The following PTTG1IP2 variants were observed in gnomAD, a reference collection of about 807,000 sequenced individuals.
PTTG1IP2 encodes the protein PTTG1IP family member 2.
chr7:90,490,390 AAT>A (rs1435770803), intron 4 of PTTG1IP2, among the ~76,000 whole-genome samples: 1 of 151,932 alleles, frequency 6.6e-6, no homozygotes, highest in East Asian at 1.9e-4. Flanking sequence ...CTGTAAGTAA[AAT>A]ATGCTTATAA....
At position 90,504,723 on chromosome 7, in the gene PTTG1IP2, G is replaced by T. The variant is rs551744540; in HGVS notation, c.*51-8555G>T. 2.6e-5 allele frequency among the ~76,000 whole-genome samples: 4 copies of T among 152,214 alleles called. No individual in the cohort carries two copies. The East Asian group carries it at 7.7e-4, about 29-fold the overall frequency. On this transcript the variant is annotated intron_variant, in intron 6 of 6. Coordinates refer to ENST00000509356, the MANE Select transcript of PTTG1IP2 (RefSeq NM_001365443.2). The stretch of plus-strand genomic sequence containing the variant: ...ACTGACTTGCAACAGATTTTTAAAA[G>T]ATATCAAATAAAACAGCTGAAAGAA...
intron 1 of PTTG1IP2, among the ~76,000 whole-genome samples, chr7:90,472,218 A>G (rs1305062477): frequency 1.3e-5 from 2 of 152,054 alleles, no homozygotes; most frequent in Non-Finnish European, 1.5e-5. Context: ...AAAACAATAG[A>G]GCAACTATGT....
intron 5 of PTTG1IP2, among the ~76,000 whole-genome samples, chr7:90,493,347 T>G (rs1381321978): frequency 2.0e-5 from 3 of 152,172 alleles, no homozygotes. Flanking sequence ...TAGAAATTGT[T>G]TGGGTGATAA....
chr7:90,499,578 T>C lies in PTTG1IP2; in HGVS notation c.*50+5148T>C, dbSNP rs1213299364. On this transcript the variant is annotated intron_variant, in intron 6 of 6. Coordinates refer to ENST00000509356, the MANE Select transcript of PTTG1IP2 (RefSeq NM_001365443.2). ...GCTTTTTGATCAGTGTTCTTTATTT[T>C]TTTATTATTATTTTTATTTTTTTGA... 2.0e-5 allele frequency among the ~76,000 whole-genome samples: 3 copies of C among 152,114 alleles called. No individual in the cohort carries two copies. The East Asian group carries it at 5.8e-4, about 29-fold the overall frequency.
At chr7:90,474,952 T>C (rs1283867899) in intron 1 of PTTG1IP2, among the ~76,000 whole-genome samples, 1 of 152,196 alleles carries the variant, frequency 6.6e-6, no homozygotes, top group Non-Finnish European at 1.5e-5. Flanking sequence ...GGCAAGTAGA[T>C]TGGCTTGCCA....
At chr7:90,507,908 G>T (rs1006568840) in intron 6 of PTTG1IP2, among the ~76,000 whole-genome samples, 5 of 152,014 alleles carry the variant, frequency 3.3e-5, no homozygotes, top group African/African-American at 1.2e-4. Flanking sequence ...GTACCATAAG[G>T]CACTTGAGAT....
chr7:90,475,078 GC>G (rs1275116525), intron 1 of PTTG1IP2, among the ~76,000 whole-genome samples: 13 of 152,138 alleles, frequency 8.5e-5, no homozygotes. Flanking sequence ...CAAATCTCCT[GC>G]CCCCAAGTCC....
intron 6 of PTTG1IP2, among the ~76,000 whole-genome samples, chr7:90,505,858 C>T (rs2116122660): frequency 6.6e-6 from 1 of 151,996 alleles, no homozygotes; most frequent in South Asian, 2.1e-4. Flanking sequence ...GTGGCGGGCG[C>T]CTGTAGTCCC....
chr7:90,505,990 C>CAAAAAA (rs59521168), intron 6 of PTTG1IP2, among the ~76,000 whole-genome samples: 31 of 77,362 alleles, frequency 4.0e-4, no homozygotes, highest in African/African-American at 8.2e-4. Flanking sequence ...GACTCCGTCT[C>CAAAAAA]AAAAAAAAAA....
rs144536856 is a variant in PTTG1IP2, at chr7:90,485,827, C to G, written c.193-1500C>G. Reference sequence around the variant, plus strand: ...GCTGCAAGTTCAGGTTTTTTTCTGGCAATTCATTTCCCTTAAAACCCTGCT... The same window carrying G: ...GCTGCAAGTTCAGGTTTTTTTCTGGGAATTCATTTCCCTTAAAACCCTGCT... On this transcript the variant is annotated intron_variant, in intron 2 of 6. Coordinates refer to ENST00000509356, the MANE Select transcript of PTTG1IP2 (RefSeq NM_001365443.2). Among the ~76,000 whole-genome samples the G allele has an allele frequency of 7.2e-5, 11 of 152,224 alleles. 1 individual carries two copies. The East Asian group carries it at 2.1e-3, about 29-fold the overall frequency.
In PTTG1IP2 at chr7:90,497,987, A is replaced by G. The variant is rs563664547; in HGVS notation, c.*50+3557A>G. On this transcript the variant is annotated intron_variant, in intron 6 of 6. Coordinates refer to ENST00000509356, the MANE Select transcript of PTTG1IP2 (RefSeq NM_001365443.2). ...AATATTCATATATTTTGTTGAGTGC[A>G]TGTATATTTATAATTGTTATATCCT... 1.4e-4 allele frequency among the ~76,000 whole-genome samples: 21 copies of G among 151,656 alleles called. No individual in the cohort carries two copies. The East Asian group carries it at 3.1e-3, about 22-fold the overall frequency.
At chr7:90,505,209 A>G (rs1351664147) in intron 6 of PTTG1IP2, among the ~76,000 whole-genome samples, 1 of 152,208 alleles carries the variant, frequency 6.6e-6, no homozygotes, top group East Asian at 1.9e-4. Context: ...CATATTTGAA[A>G]AGGGTATTCG....
intron 2 of PTTG1IP2, among the ~76,000 whole-genome samples, chr7:90,485,900 C>T (rs1797869958): frequency 6.6e-6 from 1 of 152,140 alleles, no homozygotes; most frequent in South Asian, 2.1e-4. Context: ...ACAACCAAGG[C>T]CAGAAGTCTC....
intron 1 of PTTG1IP2, among the ~76,000 whole-genome samples, chr7:90,475,058 A>G (rs1343735577): frequency 6.6e-6 from 1 of 152,198 alleles, no homozygotes; most frequent in African/African-American, 2.4e-5. Context: ...GAACGTCAGT[A>G]TGGCAGCACC....
intron 2 of PTTG1IP2, among the ~76,000 whole-genome samples, chr7:90,486,894 C>G (rs998926729): frequency 6.6e-6 from 1 of 152,056 alleles, no homozygotes; most frequent in Non-Finnish European, 1.5e-5. Context: ...GGAAGATAAG[C>G]GGCAAGAGCC....
intron 1 of PTTG1IP2, among the ~76,000 whole-genome samples, chr7:90,470,609 T>C (rs1290013941): frequency 1.3e-5 from 2 of 152,228 alleles, no homozygotes; most frequent in Non-Finnish European, 2.9e-5. Context: ...TTAGTATCTG[T>C]AAGCAAATCA....
At chr7:90,494,679 C>T (rs889440042) in intron 6 of PTTG1IP2, among the ~76,000 whole-genome samples, 10 of 151,998 alleles carry the variant, frequency 6.6e-5, no homozygotes, top group Admixed American at 3.9e-4. Context: ...GCCAGGAGTT[C>T]GAGACTAGCC....
chr7:90,485,771 C>G (rs1797867496), intron 2 of PTTG1IP2, among the ~76,000 whole-genome samples: 1 of 152,150 alleles, frequency 6.6e-6, no homozygotes, highest in South Asian at 2.1e-4. Flanking sequence ...ACCTGGGAAT[C>G]AGCTTAGCAC....
At chr7:90,499,936 G>C (rs549565012) in intron 6 of PTTG1IP2, among the ~76,000 whole-genome samples, 1 of 152,048 alleles carries the variant, frequency 6.6e-6, no homozygotes, top group South Asian at 2.1e-4. Flanking sequence ...AGTCCTCACC[G>C]GGTGCAGTGG....
Sources: allele counts gnomAD v4.1 joint callset (sites outside exome capture counted in the v4.1 genomes callset), GRCh38; gene constraint gnomAD v4.1.1; transcripts MANE v1.5; gene names NCBI Gene and HGNC (gene_info 2026-07-23, HGNC 2026-07-21).